The following RPA3 variants were observed in gnomAD, a reference collection of about 807,000 sequenced individuals.
RPA3 encodes replication protein A3.
In RPA3, 24 loss-of-function variants were observed where a neutral mutation model predicts 13.7. That is an observed-to-expected ratio of 1.75 (90% CI 1.27 to 2.46). RPA3 has a LOEUF of 2.46. Ranked by LOEUF, RPA3 falls within the 30% of genes most tolerant of loss-of-function variation. The probability of loss-of-function intolerance (pLI) is 0.00; values close to 1 mark genes in which losing one functional copy is unlikely to be tolerated. For synonymous variants in RPA3, 59 were observed against 51.2 expected (o/e 1.15, Z -0.65); for missense variants, 183 against 151.0 (o/e 1.21, Z -1.11).
intron 4 of RPA3, among the ~76,000 whole-genome samples, chr7:7,665,900 G>C (rs1370663468): frequency 6.6e-6 from 1 of 150,618 alleles, no homozygotes; most frequent in African/African-American, 2.4e-5. Flanking sequence ...CGAATGGGAT[G>C]CATATGGCAG....
Position 7,693,054 on chromosome 7 carries a change from TTA to T in RPA3, c.-1027-5728_-1027-5727del, listed in dbSNP as rs111704869. 5.8e-3 allele frequency among the ~76,000 whole-genome samples: 889 copies of T among 152,338 alleles called. 11 individuals are homozygous for T. The highest frequency in any genetic ancestry group is 0.02 in the African/African-American group (844 of 41,584). On this transcript the variant is annotated intron_variant, in intron 2 of 7. Coordinates refer to ENST00000223129, the MANE Select transcript of RPA3 (RefSeq NM_002947.5). ...AATCTTTTTTCTTCCTGTTGATTAC[TTA>T]TATCTACTTCATTATTCTGTAATGA... is the stretch of plus-strand genomic sequence containing the variant.
At chr7:7,700,852 A>T (rs115588802) in intron 2 of RPA3, among the ~76,000 whole-genome samples, 3,790 of 151,924 alleles carry the variant, frequency 0.025, 166 homozygotes, top group African/African-American at 0.087. Flanking sequence ...TGTGCCACTG[A>T]ACTCTGGCCT....
chr7:7,687,539 C>G (rs1316907316), intron 2 of RPA3, among the ~76,000 whole-genome samples: 1 of 152,168 alleles, frequency 6.6e-6, no homozygotes, highest in Non-Finnish European at 1.5e-5. Context: ...GACTGGAAGG[C>G]CGATCTATGC....
At chr7:7,644,288 A>G (rs1283778825) in intron 4 of RPA3, among the ~76,000 whole-genome samples, 1 of 148,380 alleles carries the variant, frequency 6.7e-6, no homozygotes, top group African/African-American at 2.5e-5. Flanking sequence ...TATTAGTGAG[A>G]TATTGTAATG....
At chr7:7,673,365 A>AGCAGCAGCAGCG in intron 4 of RPA3, 1 of 1,098,450 alleles carries the variant, frequency 9.1e-7, no homozygotes. Flanking sequence ...CAGCAGCAGC[A>AGCAGCAGCAGCG]GCAGCAATGT....
intron 4 of RPA3, among the ~76,000 whole-genome samples, chr7:7,651,174 G>A (rs1387471061): frequency 6.6e-6 from 1 of 152,176 alleles, no homozygotes; most frequent in Non-Finnish European, 1.5e-5. Flanking sequence ...AAAAATATAT[G>A]GCTAAATCAA....
intron 4 of RPA3, among the ~76,000 whole-genome samples, chr7:7,672,416 C>T (rs1325009580): frequency 6.6e-6 from 1 of 152,098 alleles, no homozygotes; most frequent in Non-Finnish European, 1.5e-5. Context: ...ATAATCTCAC[C>T]AACGCAAGGA....
Position 7,699,778 on chromosome 7 carries a change from A to T in RPA3, c.-1027-12450T>A, listed in dbSNP as rs115795683. Among the ~76,000 whole-genome samples the T allele has an allele frequency of 5.1e-3, 773 of 152,324 alleles. 8 individuals are homozygous for T. The highest frequency in any genetic ancestry group is 0.018 in the African/African-American group (734 of 41,574). ...TTAGTGCTCATATAATGCCTTACAC[A>T]TATTAAGTTTTTAGTAAATATTTGT... is the stretch of plus-strand genomic sequence containing the variant. On this transcript the variant is annotated intron_variant, in intron 2 of 7. Transcript: ENST00000223129.
At chr7:7,713,946 T>C (rs1780828879) in intron 2 of RPA3, among the ~76,000 whole-genome samples, 1 of 152,092 alleles carries the variant, frequency 6.6e-6, no homozygotes, top group Admixed American at 6.5e-5. Context: ...GTGATCTTCC[T>C]GCCTTGGCCT....
At chr7:7,648,522 C>T (rs544459466) in intron 4 of RPA3, among the ~76,000 whole-genome samples, 8 of 152,136 alleles carry the variant, frequency 5.3e-5, no homozygotes, top group African/African-American at 1.9e-4. Flanking sequence ...TGTAGTGTTG[C>T]TATTACAGAA....
intron 4 of RPA3, among the ~76,000 whole-genome samples, chr7:7,667,150 C>T (rs542334310): frequency 3.4e-4 from 52 of 152,220 alleles, no homozygotes; most frequent in African/African-American, 1.2e-3. Context: ...AGAGGTAGCT[C>T]CAGGATCCCT....
Position 7,715,177 on chromosome 7 carries a change from G to C in RPA3, c.-1030C>G, listed in dbSNP as rs1462119027. The C allele has an allele frequency of 1.3e-5, 2 of 152,160 alleles. No individual in the cohort carries two copies. Among genetic ancestry groups the C allele is most frequent in the Non-Finnish European group, 2.9e-5 (2 of 68,026 alleles). 9.4% of individuals were successfully genotyped at this position (152,160 alleles called of 1,614,324 possible). The stretch of plus-strand genomic sequence containing the variant: ...ACAGTTAAAGAAAATAAACTTACCT[G>C]AAACTATTGTATTCCCTGTGCATTG... On this transcript the variant is annotated splice_region_variant and 5_prime_UTR_variant, in exon 2 of 8. Coordinates refer to ENST00000223129, the MANE Select transcript of RPA3 (RefSeq NM_002947.5).
chr7:7,688,041 T>C (rs1780080727), intron 2 of RPA3, among the ~76,000 whole-genome samples: 1 of 152,206 alleles, frequency 6.6e-6, no homozygotes. Context: ...CTGTTGCTGT[T>C]GCTATGTTAG....
At position 7,637,027 on chromosome 7, in the gene RPA3, A is replaced by G. The variant is rs1784877303; in HGVS notation, c.339T>C (p.Tyr113=). 5 of 1,612,432 alleles carry G rather than the reference A, an allele frequency of 3.1e-6. No homozygotes were observed. Among genetic ancestry groups the G allele is most frequent in the Non-Finnish European group, 4.2e-6 (5 of 1,178,900 alleles). Residue 113 remains tyrosine, a synonymous_variant, in exon 8 of 8, where the codon TAT becomes TAC. Coordinates refer to ENST00000223129, the MANE Select transcript of RPA3 (RefSeq NM_002947.5). ...AATCATGTTGCACAATCCCTAAAGG[A>G]TAAAACTGAGGGAAGTCATGGATAA... ...VKIIHDFPQF[Y]PLGIVQHD is the part of the protein sequence containing the mutation.
chr7:7,709,913 C>T (rs751674782), intron 2 of RPA3, among the ~76,000 whole-genome samples: 5 of 152,080 alleles, frequency 3.3e-5, no homozygotes, highest in Admixed American at 6.6e-5. Flanking sequence ...TTACTCCCAC[C>T]TCAGAGGTAA....
chr7:7,649,158 C>CAAAAAAAAAAA (rs34943326), intron 4 of RPA3, among the ~76,000 whole-genome samples: 8 of 128,872 alleles, frequency 6.2e-5, no homozygotes, highest in African/African-American at 8.7e-5. Context: ...GACTCCATCT[C>CAAAAAAAAAAA]AAAAAAAAAA....
At chr7:7,638,001 G>T in intron 6 of RPA3, 29 bp from the exon 7 acceptor site, 1 of 1,545,130 alleles carries the variant, frequency 6.5e-7, no homozygotes, top group Non-Finnish European at 8.9e-7. Flanking sequence ...CATCGATTTG[G>T]TGATATCACA....
At chr7:7,673,599 A>G (rs1164999565) in intron 4 of RPA3, 1 of 601,568 alleles carries the variant, frequency 1.7e-6, no homozygotes, top group African/African-American at 1.9e-5. Flanking sequence ...AAATCTGTAA[A>G]GATGAAAGTC....
intron 4 of RPA3, among the ~76,000 whole-genome samples, chr7:7,675,026 T>A (rs28610088): frequency 2.4e-4 from 36 of 152,150 alleles, no homozygotes; most frequent in South Asian, 6.2e-4. Context: ...AAATTTTTTT[T>A]AAAATTATTT....
Sources: allele counts gnomAD v4.1 joint callset (sites outside exome capture counted in the v4.1 genomes callset), GRCh38; gene constraint gnomAD v4.1.1; transcripts MANE v1.5; gene names NCBI Gene and HGNC (gene_info 2026-07-23, HGNC 2026-07-21).